Variants in IL7 observed in about 807,000 individuals in gnomAD.
IL7 encodes interleukin-7.
A neutral mutation model predicts 21.6 loss-of-function variants in IL7; 3 were observed. The observed-to-expected ratio is 0.14, with a 90% CI of 0.06 to 0.36. The LOEUF (loss-of-function observed/expected upper bound fraction) is 0.36, where lower values mean the gene tolerates loss of function less well. Among genes scored for constraint, IL7 ranks in the 10% least tolerant of loss-of-function variants. The pLI is 1.00. For synonymous variants in IL7, 62 were observed against 68.1 expected (o/e 0.91, Z 0.44); for missense variants, 175 against 200.2 (o/e 0.87, Z 0.76).
chr8:78,681,774 C>T (rs1356495012), intron 4 of IL7, among the ~76,000 whole-genome samples: 3 of 151,932 alleles, frequency 2.0e-5, no homozygotes, highest in Non-Finnish European at 2.9e-5. Flanking sequence ...AAGGACATTG[C>T]CCATTTTGTC....
intron 2 of IL7, among the ~76,000 whole-genome samples, chr8:78,746,022 C>A (rs1402266252): frequency 6.6e-6 from 1 of 152,052 alleles, no homozygotes; most frequent in African/African-American, 2.4e-5. Flanking sequence ...CAAGATAATC[C>A]AAAATAAACT....
rs575614267 is a variant in IL7 at position 78,706,674 on chromosome 8, A to G, written n.214+14674T>C. Among the ~76,000 whole-genome samples the G allele has an allele frequency of 1.2e-4, 18 of 152,232 alleles. No homozygotes were observed. The South Asian group carries it at 3.7e-3, about 32-fold the overall frequency. ...CCCAATGCAAGTACATGGATGTTTC[A>G]GATGAAGGTGCTGTATTTACTCACC... On this transcript the variant is annotated intron_variant and non_coding_transcript_variant, in intron 3 of 4. Transcript: ENST00000523959.
Position 78,778,627 on chromosome 8 carries a change from C to A in IL7, c.147+19445G>T, listed in dbSNP as rs552791476. Among the ~76,000 whole-genome samples, 5 of 152,088 alleles carry A rather than the reference C, an allele frequency of 3.3e-5. No homozygotes were observed. The South Asian group carries it at 1.0e-3, about 32-fold the overall frequency. The stretch of plus-strand genomic sequence containing the variant: ...TGTCTGTTTTTGTATGAGTACTGTG[C>A]TATTTTGGTTGCTGTAGCCTTGTAG... On this transcript the variant is annotated intron_variant, in intron 2 of 5. Transcript: ENST00000263851.
At chr8:78,677,751 A>C (rs1309882290) in intron 4 of IL7, among the ~76,000 whole-genome samples, 1 of 152,150 alleles carries the variant, frequency 6.6e-6, no homozygotes, top group African/African-American at 2.4e-5. Flanking sequence ...CAATCCAGAC[A>C]CTAAGAGAGA....
intron 3 of IL7, among the ~76,000 whole-genome samples, chr8:78,727,048 T>A (rs1263799770): frequency 6.6e-6 from 1 of 151,974 alleles, no homozygotes; most frequent in African/African-American, 2.4e-5. Context: ...GACCATTAGG[T>A]CCTGAGAAAA....
downstream of IL7, among the ~76,000 whole-genome samples, chr8:78,731,846 C>T (rs1231451296): frequency 6.6e-6 from 1 of 151,950 alleles, no homozygotes; most frequent in Non-Finnish European, 1.5e-5. Context: ...TCTACTATAA[C>T]AAATGACAGA....
intron 5 of IL7, among the ~76,000 whole-genome samples, chr8:78,734,894 T>G (rs1811520023): frequency 6.6e-6 from 1 of 152,146 alleles, no homozygotes; most frequent in Non-Finnish European, 1.5e-5. Context: ...GTCAAGTAAA[T>G]AAATATATGT....
chr8:78,697,155 T>A (rs1810447563), intron 3 of IL7, among the ~76,000 whole-genome samples: 1 of 152,198 alleles, frequency 6.6e-6, no homozygotes, highest in Admixed American at 6.5e-5. Context: ...CCAATTATTT[T>A]TTTACTGTGG....
intron 2 of IL7, among the ~76,000 whole-genome samples, chr8:78,747,864 C>A (rs1191221576): frequency 6.6e-6 from 1 of 152,082 alleles, no homozygotes; most frequent in African/African-American, 2.4e-5. Flanking sequence ...ATATATGCTG[C>A]CATGAAGCCT....
intron 2 of IL7, among the ~76,000 whole-genome samples, chr8:78,773,254 C>A (rs954707907): frequency 6.6e-6 from 1 of 152,076 alleles, no homozygotes; most frequent in African/African-American, 2.4e-5. Context: ...GTGGGCACGT[C>A]TTTGGGATGT....
intron 4 of IL7, among the ~76,000 whole-genome samples, chr8:78,681,134 G>GAGA (rs771163956): frequency 6.6e-6 from 1 of 151,808 alleles, no homozygotes; most frequent in Non-Finnish European, 1.5e-5. Context: ...TAATTACACA[G>GAGA]AGACGCCTTA....
chr8:78,675,232 A>G (rs1809543381), downstream of IL7, among the ~76,000 whole-genome samples: 1 of 151,840 alleles, frequency 6.6e-6, no homozygotes, highest in African/African-American at 2.4e-5. Context: ...GACTCTTAAT[A>G]TAAGTATTAT....
intron 3 of IL7, among the ~76,000 whole-genome samples, chr8:78,703,536 C>CT (rs35710652): frequency 0.7 from 97,224 of 139,634 alleles, 34,806 homozygotes; most frequent in East Asian, 0.9. Flanking sequence ...TAATACCCTT[C>CT]TTTTTTTTTT....
At position 78,688,754 on chromosome 8, in the gene IL7, G is replaced by A. The variant is rs546298634; in HGVS notation, n.215-2807C>T. 5.1e-3 allele frequency among the ~76,000 whole-genome samples: 780 copies of A among 152,128 alleles called. 1 individual carries two copies. Among genetic ancestry groups the A allele is most frequent in the Non-Finnish European group, 8.9e-3 (608 of 67,940 alleles). On this transcript the variant is annotated intron_variant and non_coding_transcript_variant, in intron 3 of 4. Coordinates refer to the IL7 transcript ENST00000523959. ...TTTTAAGAGAAAATAGCACTTTAAA[G>A]ATAAGTAAACTATTTCTTGACAGTT...
intron 2 of IL7, chr8:78,762,116 T>G: frequency 1.3e-6 from 2 of 1,596,496 alleles, no homozygotes; most frequent in East Asian, 4.5e-5. Context: ...ACTCAGTTCT[T>G]TTATTCGTTT....
intron 5 of IL7, 35 bp from the exon 6 acceptor site, chr8:78,733,867 A>G (rs1005896609): frequency 2.2e-5 from 29 of 1,333,020 alleles, no homozygotes; most frequent in Non-Finnish European, 2.9e-5. Flanking sequence ...TAAACTTCAC[A>G]TTTTTACAAA....
downstream of IL7, among the ~76,000 whole-genome samples, chr8:78,728,037 C>T (rs955418059): frequency 3.3e-5 from 5 of 151,760 alleles, no homozygotes; most frequent in Non-Finnish European, 7.4e-5. Flanking sequence ...GCATACAAAC[C>T]CAAATAAATA....
intron 2 of IL7, among the ~76,000 whole-genome samples, chr8:78,751,801 G>A (rs532732424): frequency 1.3e-5 from 2 of 152,194 alleles, no homozygotes; most frequent in African/African-American, 4.8e-5. Flanking sequence ...AGCTTTCTGA[G>A]CATATACAAT....
At chr8:78,689,171 T>A in intron 3 of IL7, 1 of 1,311,870 alleles carries the variant, frequency 7.6e-7, no homozygotes, top group Non-Finnish European at 1.0e-6. Context: ...TTTTTTAATG[T>A]CCGTTTCAAG....
Sources: gnomAD v4.1 joint callset for allele counts (sites outside exome capture counted in the v4.1 genomes callset) on GRCh38, gnomAD v4.1.1 for gene constraint, MANE v1.5 for transcripts, NCBI Gene and HGNC (gene_info 2026-07-23, HGNC 2026-07-21) for gene names.